DACH2: variants seen among roughly 807,000 people sequenced by gnomAD.
The protein encoded by DACH2 is dachshund family transcription factor 2.
Under a neutral mutation model 35.8 loss-of-function variants are expected in DACH2, and 17 were observed. The observed-to-expected ratio is 0.48, with a 90% CI of 0.33 to 0.71. The LOEUF is 0.71. Ranked by LOEUF, DACH2 falls within the 30% of genes least tolerant of loss-of-function variation. The pLI is 0.02. For missense variants in DACH2, 469 were observed against 472.7 expected (o/e 0.99, Z 0.07); for synonymous variants, 195 against 177.3 (o/e 1.10, Z -0.79).
chrX:86,361,306 A>G (rs1348730198), intron 1 of DACH2, among the ~76,000 whole-genome samples: 2 of 111,762 alleles, frequency 1.8e-5, no homozygotes, highest in African/African-American at 6.5e-5. Flanking sequence ...TCTGAAGACG[A>G]TGGTTATTGG....
intron 2 of DACH2, among the ~76,000 whole-genome samples, chrX:86,440,911 G>A (rs1026462805): frequency 3.6e-5 from 4 of 110,927 alleles, no homozygotes; most frequent in African/African-American, 1.3e-4. Context: ...ACTCTACTGT[G>A]CAATGGAACA....
intron 3 of DACH2, among the ~76,000 whole-genome samples, chrX:86,531,063 G>A (rs901268829): frequency 2.7e-5 from 3 of 111,872 alleles, no homozygotes; most frequent in African/African-American, 9.8e-5. Flanking sequence ...TTTCTAAGCA[G>A]CAAAGCATTC....
chrX:86,409,677 G>A (rs1353093679), intron 2 of DACH2, among the ~76,000 whole-genome samples: 1 of 111,480 alleles, frequency 9.0e-6, no homozygotes, highest in African/African-American at 3.3e-5. Context: ...ATAGAACCGT[G>A]AACCAATCAA....
intron 1 of DACH2, among the ~76,000 whole-genome samples, chrX:86,295,620 G>T (rs956938822): frequency 7.2e-5 from 8 of 111,187 alleles, no homozygotes; most frequent in Non-Finnish European, 1.3e-4. Flanking sequence ...ATTCCCCTCT[G>T]ACTAGGGCTG....
intron 2 of DACH2, among the ~76,000 whole-genome samples, chrX:86,461,048 A>G (rs181777596): frequency 9.0e-6 from 1 of 111,379 alleles, no homozygotes; most frequent in African/African-American, 3.2e-5. Flanking sequence ...AAACCCACCG[A>G]AATGCTTCAA....
intron 2 of DACH2, among the ~76,000 whole-genome samples, chrX:86,414,673 C>G (rs1216008701): frequency 9.0e-6 from 1 of 111,600 alleles, no homozygotes; most frequent in Admixed American, 9.6e-5. Flanking sequence ...CAACCTAAGC[C>G]TTTGGATTCC....
chrX:86,679,909 A>C (rs939863038), intron 4 of DACH2, among the ~76,000 whole-genome samples: 3 of 110,977 alleles, frequency 2.7e-5, no homozygotes, highest in African/African-American at 9.8e-5. Context: ...TCTCATACTA[A>C]ATTATACTGT....
intron 1 of DACH2, among the ~76,000 whole-genome samples, chrX:86,257,368 C>A (rs1018025521): frequency 1.8e-5 from 2 of 112,390 alleles, no homozygotes; most frequent in African/African-American, 6.5e-5. Context: ...CTTCCACTTA[C>A]ATCCCTTCAA....
chrX:86,325,932 A>ATT (rs59212594), intron 1 of DACH2, among the ~76,000 whole-genome samples: 17 of 106,107 alleles, frequency 1.6e-4, no homozygotes, highest in South Asian at 1.2e-3. Context: ...GAGCCTCAGG[A>ATT]TTTTTTTTTT....
At chrX:86,152,627 T>A (rs2030404339) in intron 1 of DACH2, among the ~76,000 whole-genome samples, 1 of 111,967 alleles carries the variant, frequency 8.9e-6, no homozygotes, top group Admixed American at 9.5e-5. Flanking sequence ...TTCATTGTTC[T>A]GTTCGACAAG....
At chrX:86,440,019 GT>G (rs956136361) in intron 2 of DACH2, among the ~76,000 whole-genome samples, 15 of 111,109 alleles carry the variant, frequency 1.4e-4, no homozygotes, top group Non-Finnish European at 7.6e-5. Flanking sequence ...ATTGTTCAGG[GT>G]TTTTTCTATG....
At chrX:86,432,551 T>G (rs1242057833) in intron 2 of DACH2, among the ~76,000 whole-genome samples, 1 of 111,777 alleles carries the variant, frequency 8.9e-6, no homozygotes, top group Non-Finnish European at 1.9e-5. Flanking sequence ...AACACTGAGG[T>G]GTTTCAAATG....
At chrX:86,459,894 A>G (rs866734212) in intron 2 of DACH2, among the ~76,000 whole-genome samples, 2 of 106,627 alleles carry the variant, frequency 1.9e-5, no homozygotes, top group African/African-American at 6.8e-5. Flanking sequence ...ATTATTGATT[A>G]CTTATTGCTA....
At position 86,368,664 on chromosome X, in the gene DACH2, G is replaced by A. The variant is rs776268822; in HGVS notation, c.489-8160G>A. Among the ~76,000 whole-genome samples the A allele has an allele frequency of 3.7e-5, 4 of 107,678 alleles. No homozygotes were observed. The South Asian group carries it at 1.7e-3, about 45-fold the overall frequency. 93.5% of individuals were successfully genotyped at this position (107,678 alleles called of 115,157 possible). On this transcript the variant is annotated intron_variant, in intron 1 of 11. Coordinates refer to ENST00000373125, the MANE Select transcript of DACH2 (RefSeq NM_053281.3). ...TGCAGGTTGAAATACCTGGGCTCAA[G>A]CGATCCTCTCACCTCAGCCTCCTGA...
intron 1 of DACH2, among the ~76,000 whole-genome samples, chrX:86,177,130 C>T (rs192518861): frequency 2.7e-5 from 3 of 111,760 alleles, no homozygotes; most frequent in African/African-American, 9.7e-5. Flanking sequence ...TACAAATAAT[C>T]CGATTATACT....
intron 3 of DACH2, among the ~76,000 whole-genome samples, chrX:86,637,242 A>AAAAAAAAAAC (rs2040281926): frequency 1.2e-5 from 1 of 86,874 alleles, no homozygotes; most frequent in East Asian, 4.7e-4. Flanking sequence ...AAAAAAAAAA[A>AAAAAAAAAAC]AAAACAGATG....
chrX:86,521,046 C>G (rs1435692512), intron 3 of DACH2, among the ~76,000 whole-genome samples: 4 of 111,505 alleles, frequency 3.6e-5, no homozygotes, highest in Admixed American at 2.9e-4. Context: ...AGTGGTCTTC[C>G]CTCGCTTTGC....
At chrX:86,534,970 A>G (rs1181071375) in intron 3 of DACH2, among the ~76,000 whole-genome samples, 2 of 111,216 alleles carry the variant, frequency 1.8e-5, no homozygotes, top group African/African-American at 6.6e-5. Flanking sequence ...TTTGAAACAA[A>G]GTTATCTAGT....
chrX:86,632,392 A>G (rs1255708428), intron 3 of DACH2, among the ~76,000 whole-genome samples: 3 of 110,442 alleles, frequency 2.7e-5, no homozygotes, highest in Admixed American at 1.9e-4. Context: ...ATTGATTTAG[A>G]TGTTTATTAA....
Sources: allele counts gnomAD v4.1 joint callset (sites outside exome capture counted in the v4.1 genomes callset), GRCh38; gene constraint gnomAD v4.1.1; transcripts MANE v1.5; gene names NCBI Gene and HGNC (gene_info 2026-07-23, HGNC 2026-07-21).